USP53: variants seen among roughly 807,000 people sequenced by gnomAD.
USP53 encodes ubiquitin carboxyl-terminal hydrolase 53.
USP53 carries 71 observed loss-of-function variants against 94.9 expected under a neutral mutation model. The observed-to-expected ratio is 0.75, with a 90% CI of 0.62 to 0.91. The LOEUF is 0.91. Among genes scored for constraint, USP53 ranks in the 40% least tolerant of loss-of-function variants. The probability of loss-of-function intolerance (pLI) is 0.00; values close to 1 mark genes in which losing one functional copy is unlikely to be tolerated. For synonymous variants in USP53, 375 were observed against 422.7 expected (o/e 0.89, Z 1.39); for missense variants, 1,173 against 1,281.0 (o/e 0.92, Z 1.29).
rs1747233439 is a variant in USP53, at chr4:119,239,456, AT to A, written c.-303del. 2.9e-6 allele frequency: 1 copy of A among 345,912 alleles called. No individual in the cohort carries two copies. The highest frequency in any genetic ancestry group is 5.2e-6 in the Non-Finnish European group (1 of 194,170). 21.4% of individuals were successfully genotyped at this position (345,912 alleles called of 1,614,324 possible). ...TCAGTATTTTTAGCCATTAAAAAAA[AT>A]CGTTTTCATATTAACCTTATACAGC... On this transcript the variant is annotated 5_prime_UTR_variant, in exon 5 of 19. It removes the in-frame stop codon of an upstream open reading frame in the 5' UTR. Transcript: ENST00000692078.
intron 5 of USP53, among the ~76,000 whole-genome samples, chr4:119,241,219 AGAAGTAT>A: frequency 6.6e-6 from 1 of 152,316 alleles, no homozygotes; most frequent in East Asian, 1.9e-4. Flanking sequence ...CAAAACATTG[AGAAGTAT>A]TCCTATGGTG....
chr4:119,221,960 T>G (rs757690438), intron 3 of USP53, among the ~76,000 whole-genome samples: 22 of 152,202 alleles, frequency 1.4e-4, no homozygotes, highest in Non-Finnish European at 3.1e-4. Flanking sequence ...TCTCTTTCCT[T>G]CTAGTGCCAC....
intron 18 of USP53, 26 bp downstream of exon 18, chr4:119,291,287 A>C: frequency 4.7e-6 from 7 of 1,486,090 alleles, no homozygotes; most frequent in Non-Finnish European, 6.5e-6. Flanking sequence ...TTCCCTAAAT[A>C]CATGTATTAT....
chr4:119,249,009 C>A, intron 7 of USP53, 127 bp downstream of exon 7: 1 of 1,121,384 alleles, frequency 8.9e-7, no homozygotes, highest in Non-Finnish European at 1.2e-6. Flanking sequence ...TCCAGTAGAT[C>A]CATATCTTAC....
At position 119,245,364 on chromosome 4, in the gene USP53, C is replaced by A. The variant is rs951241448; in HGVS notation, c.172C>A (p.Arg58=). ...TTTATGGCAATTGGATATATTCCGA[C>A]GAAGCTTGCGGGTTTTGACTGGACA... ...QVLWQLDIFR[R]SLRVLTGHVC... Residue 58 remains arginine, a synonymous_variant, in exon 6 of 19, where the codon CGA becomes AGA. Coordinates refer to ENST00000692078, the MANE Select transcript of USP53 (RefSeq NM_001371395.1). 1 of 1,613,638 alleles carries A rather than the reference C, an allele frequency of 6.2e-7. No homozygotes were observed. Among genetic ancestry groups the A allele is most frequent in the East Asian group, 2.2e-5 (1 of 44,854 alleles).
intron 16 of USP53, chr4:119,272,780 T>G (rs1752034468): frequency 6.6e-6 from 1 of 152,240 alleles, no homozygotes; most frequent in Admixed American, 6.5e-5. Context: ...AGCTAGTTTT[T>G]ACTGTCACAC....
At chr4:119,265,305 G>A (rs1750978880) in intron 12 of USP53, among the ~76,000 whole-genome samples, 2 of 152,244 alleles carry the variant, frequency 1.3e-5, no homozygotes, top group East Asian at 1.9e-4. Flanking sequence ...GAATTACTTA[G>A]TACTTTGATG....
At chr4:119,287,026 G>A (rs1754190040) in intron 17 of USP53, among the ~76,000 whole-genome samples, 1 of 152,004 alleles carries the variant, frequency 6.6e-6, no homozygotes, top group Admixed American at 6.5e-5. Flanking sequence ...GGGAGGGAAA[G>A]ATAAGATTTG....
rs567128892 is a variant in USP53 at position 119,295,066 on chromosome 4, G to T, written c.*1855G>T. The T allele has an allele frequency of 6.6e-6, 1 of 151,914 alleles. No homozygotes were observed. Among genetic ancestry groups the T allele is most frequent in the South Asian group, 2.1e-4 (1 of 4,814 alleles). 9.4% of individuals were successfully genotyped at this position (151,914 alleles called of 1,614,324 possible). A position where few individuals can be genotyped will look rare whatever the true frequency, so the allele number is the denominator to read the frequency against. Reference sequence around the variant, plus strand: ...TTTTTTTTTTCTATTTGGTTAAGATGTGAGTTGGAAATGTATTATTTGAAA... The same window carrying T: ...TTTTTTTTTTCTATTTGGTTAAGATTTGAGTTGGAAATGTATTATTTGAAA... On this transcript the variant is annotated 3_prime_UTR_variant, in exon 19 of 19. Transcript: ENST00000692078.
intron 3 of USP53, among the ~76,000 whole-genome samples, chr4:119,227,948 A>AG (rs1271620033): frequency 2.6e-5 from 4 of 152,246 alleles, no homozygotes; most frequent in African/African-American, 9.6e-5. Flanking sequence ...CAAAAGTATG[A>AG]GTCCATTTAT....
chr4:119,267,170 TAC>T (rs746321473), intron 12 of USP53, 148 bp from the exon 13 acceptor site: 14 of 538,508 alleles, frequency 2.6e-5, no homozygotes, highest in Non-Finnish European at 3.3e-5. Context: ...AGTTACTAAA[TAC>T]AGTTAATTAT....
Position 119,291,219 on chromosome 4 carries a change from A to G in USP53, c.2306A>G (p.His769Arg), listed in dbSNP as rs781343996. ...LEAGYKSHEFHPESHLQIKNH... is the reference protein window; with the variant it reads ...LEAGYKSHEFRPESHLQIKNH... ...GCAGGCTATAAATCTCATGAATTCC[A>G]CCCAGAATCACATTTACAAATAAAA... The change falls in exon 18 of 19, where the codon CAC (histidine) becomes CGC (arginine). Residue 769 changes from histidine to arginine, a missense_variant. Transcript: ENST00000692078. 6.3e-7 allele frequency: 1 copy of G among 1,596,248 alleles called. No individual in the cohort carries two copies. The highest frequency in any genetic ancestry group is 8.5e-7 in the Non-Finnish European group (1 of 1,172,972).
At chr4:119,254,359 A>G (rs573079640) in intron 7 of USP53, among the ~76,000 whole-genome samples, 23 of 152,304 alleles carry the variant, frequency 1.5e-4, no homozygotes, top group African/African-American at 4.8e-4. Flanking sequence ...AGGTACACCA[A>G]TCAAACATAG....
intron 2 of USP53, among the ~76,000 whole-genome samples, chr4:119,217,199 A>G (rs1169394671): frequency 6.6e-6 from 1 of 152,166 alleles, no homozygotes; most frequent in Admixed American, 6.5e-5. Context: ...TGCCCATCAG[A>G]TACCTCATTC....
chr4:119,234,631 T>C (rs1746494426), intron 3 of USP53, among the ~76,000 whole-genome samples: 1 of 152,232 alleles, frequency 6.6e-6, no homozygotes, highest in Non-Finnish European at 1.5e-5. Flanking sequence ...GTACTACCAA[T>C]ATAGAACTTC....
chr4:119,234,071 C>T (rs1485904988), intron 3 of USP53, among the ~76,000 whole-genome samples: 2 of 152,132 alleles, frequency 1.3e-5, no homozygotes, highest in Non-Finnish European at 2.9e-5. Context: ...TGCAGGTCAC[C>T]TAAACTTGTT....
At position 119,271,875 on chromosome 4, in the gene USP53, G is replaced by T; in HGVS notation, c.2015G>T (p.Gly672Val). 1 of 1,614,110 alleles carries T rather than the reference G, an allele frequency of 6.2e-7. No individual in the cohort carries two copies. Among genetic ancestry groups the T allele is most frequent in the Non-Finnish European group, 8.5e-7 (1 of 1,180,000 alleles). The change falls in exon 16 of 19, where the codon GGT becomes GTT. Residue 672 changes from glycine (G) to valine (V), a missense_variant. By Grantham distance (109) the Gly-to-Val change is moderately radical (BLOSUM62 -3). Transcript: ENST00000692078. ...GAEKNKGLVE[G>V]KVHGDNWQMQ... ...GAGAAAAATAAAGGCCTTGTAGAGG[G>T]TAAAGTGCATGGTGATAATTGGCAG...
intron 5 of USP53, among the ~76,000 whole-genome samples, chr4:119,244,408 G>C (rs1747947171): frequency 6.6e-6 from 1 of 152,164 alleles, no homozygotes; most frequent in African/African-American, 2.4e-5. Context: ...GGAGAAAGGA[G>C]AGATCATGAA....
intron 3 of USP53, chr4:119,218,091 C>G (rs776440551): frequency 6.6e-6 from 1 of 152,046 alleles, no homozygotes; most frequent in Non-Finnish European, 1.5e-5. Flanking sequence ...ATGGCCAAGA[C>G]TAGAATTGTT....
Sources: allele counts gnomAD v4.1 joint callset (sites outside exome capture counted in the v4.1 genomes callset), GRCh38; gene constraint gnomAD v4.1.1; transcripts MANE v1.5; gene names NCBI Gene and HGNC (gene_info 2026-07-23, HGNC 2026-07-21).